Variants in SGCD observed in about 807,000 individuals in gnomAD.
The protein encoded by SGCD is delta-sarcoglycan.
In SGCD, 18 loss-of-function variants were observed where a neutral mutation model predicts 36.6. The ratio of observed to expected loss-of-function variants is 0.49; its 90% confidence interval spans 0.34 to 0.73. The LOEUF is 0.73. Among genes scored for constraint, SGCD ranks in the 30% least tolerant of loss-of-function variants. The pLI is 0.01. For missense variants in SGCD, 387 were observed against 346.7 expected, an observed-to-expected ratio of 1.12 and a Z score of -0.92; for synonymous variants, 133 against 130.6, an observed-to-expected ratio of 1.02 and a Z score of -0.12.
chr5:155,879,869 G>T (rs1049509261), intron 1 of SGCD, among the ~76,000 whole-genome samples: 1 of 152,118 alleles, frequency 6.6e-6, no homozygotes. Flanking sequence ...ATTGTTGTAG[G>T]CATGGTGTAG....
intron 3 of SGCD, among the ~76,000 whole-genome samples, chr5:156,297,405 T>C (rs1373895671): frequency 6.6e-6 from 1 of 152,038 alleles, no homozygotes; most frequent in Non-Finnish European, 1.5e-5. Context: ...CCATCTATGA[T>C]AGACTGGATT....
intron 7 of SGCD, among the ~76,000 whole-genome samples, chr5:156,720,869 G>GAGATC (rs1437931497): frequency 6.6e-6 from 1 of 152,212 alleles, no homozygotes; most frequent in African/African-American, 2.4e-5. Flanking sequence ...GGAAAGCCAG[G>GAGATC]AGATCAGTTA....
intron 3 of SGCD, among the ~76,000 whole-genome samples, chr5:156,346,833 T>C (rs1768976191): frequency 6.6e-6 from 1 of 152,048 alleles, no homozygotes; most frequent in Non-Finnish European, 1.5e-5. Flanking sequence ...AGTCTTGCTG[T>C]GTCACCCAGG....
intron 1 of SGCD, among the ~76,000 whole-genome samples, chr5:155,923,694 G>A (rs746706838): frequency 8.5e-5 from 13 of 152,124 alleles, no homozygotes; most frequent in African/African-American, 2.4e-4. Context: ...TTGGACAAAC[G>A]GATTTTGCTA....
intron 7 of SGCD, among the ~76,000 whole-genome samples, chr5:156,698,305 G>C (rs1484591421): frequency 6.6e-6 from 1 of 152,196 alleles, no homozygotes; most frequent in Non-Finnish European, 1.5e-5. Context: ...CTCTAAGCAG[G>C]CTAGGGGCAG....
intron 7 of SGCD, among the ~76,000 whole-genome samples, chr5:156,723,937 T>C (rs1755640523): frequency 6.6e-6 from 1 of 152,084 alleles, no homozygotes; most frequent in Non-Finnish European, 1.5e-5. Flanking sequence ...CTTTCTGCAA[T>C]GTACAGAATG....
intron 3 of SGCD, among the ~76,000 whole-genome samples, chr5:156,294,502 G>T (rs1000884187): frequency 7.9e-5 from 12 of 152,234 alleles, no homozygotes; most frequent in Middle Eastern, 3.4e-3. Flanking sequence ...TGCTCTGGCT[G>T]TGACTTCCAG....
At chr5:156,672,760 G>A (rs1753348249) in intron 7 of SGCD, among the ~76,000 whole-genome samples, 1 of 152,152 alleles carries the variant, frequency 6.6e-6, no homozygotes, top group South Asian at 2.1e-4. Flanking sequence ...AGACAAAGGT[G>A]TTCAGTTCAG....
the SGCD span, among the ~76,000 whole-genome samples, chr5:155,834,952 C>A: frequency 6.8e-6 from 1 of 148,018 alleles, no homozygotes; most frequent in African/African-American, 2.5e-5. Flanking sequence ...TCTCCTGCCT[C>A]GGCCTCCTGA....
chr5:156,313,561 C>G (rs1767443986), intron 3 of SGCD, among the ~76,000 whole-genome samples: 1 of 152,020 alleles, frequency 6.6e-6, no homozygotes, highest in Admixed American at 6.6e-5. Flanking sequence ...ATTCTAACCA[C>G]AAAACATTAT....
At chr5:156,726,732 C>CTAATTCTCT (rs1755793080) in intron 7 of SGCD, among the ~76,000 whole-genome samples, 1 of 152,194 alleles carries the variant, frequency 6.6e-6, no homozygotes, top group Admixed American at 6.5e-5. Flanking sequence ...CCATCTCATT[C>CTAATTCTCT]TAATTCTCTT....
Position 156,605,058 on chromosome 5 carries a change from T to C in SGCD, c.502+10007T>C, listed in dbSNP as rs529214542. ...TTTTTCTCTTGTGTGTGTGTGTGTT[T>C]TATTATTATACTTTAAGTTTTAGGG... On this transcript the variant is annotated intron_variant, in intron 6 of 8. Transcript: ENST00000337851. 2.0e-5 allele frequency among the ~76,000 whole-genome samples: 3 copies of C among 152,194 alleles called. No individual in the cohort carries two copies. In the South Asian group the frequency reaches 6.2e-4, roughly 32 times the overall value.
At chr5:156,463,830 C>A (rs1241925982) in intron 3 of SGCD, among the ~76,000 whole-genome samples, 1 of 151,852 alleles carries the variant, frequency 6.6e-6, no homozygotes, top group Non-Finnish European at 1.5e-5. Context: ...CCTCATATCT[C>A]AAAAAATCAA....
intron 3 of SGCD, among the ~76,000 whole-genome samples, chr5:156,289,224 G>A (rs897378407): frequency 1.3e-5 from 2 of 152,148 alleles, no homozygotes; most frequent in Admixed American, 6.6e-5. Context: ...TAGCATTAAG[G>A]ATCCTATTTA....
At chr5:156,019,875 G>A (rs1211336317) in intron 1 of SGCD, among the ~76,000 whole-genome samples, 4 of 152,264 alleles carry the variant, frequency 2.6e-5, no homozygotes, top group Non-Finnish European at 4.4e-5. Flanking sequence ...CCTAGAGTTA[G>A]CATTTAAAGC....
chr5:156,612,973 T>C (rs1761887175), intron 6 of SGCD, among the ~76,000 whole-genome samples: 1 of 152,154 alleles, frequency 6.6e-6, no homozygotes, highest in Non-Finnish European at 1.5e-5. Context: ...TAAGGACTAC[T>C]GGGGGTATCC....
chr5:156,454,850 G>A (rs1754182324), intron 3 of SGCD, among the ~76,000 whole-genome samples: 1 of 152,120 alleles, frequency 6.6e-6, no homozygotes, highest in Non-Finnish European at 1.5e-5. Flanking sequence ...AGCAAAGGTT[G>A]TAATGTTGCT....
intron 3 of SGCD, among the ~76,000 whole-genome samples, chr5:156,191,278 T>C (rs1763886089): frequency 6.6e-6 from 1 of 152,142 alleles, no homozygotes. Flanking sequence ...GACATCAAAG[T>C]ATAATTCCAG....
In SGCD at chr5:156,279,966, T is replaced by G. The variant is rs78536928; in HGVS notation, c.-43-49568T>G. On this transcript the variant is annotated intron_variant, in intron 3 of 9. Coordinates refer to the SGCD transcript ENST00000517913. ...GCATAAGTTACATACTAATGAATAC[T>G]GTTGAAACACACATACAAACACACA... Among the ~76,000 whole-genome samples the G allele has an allele frequency of 5.5e-3, 842 of 151,870 alleles. 5 individuals are homozygous for G. Among genetic ancestry groups the G allele is most frequent in the African/African-American group, 0.018 (751 of 41,482 alleles).
Sources: gnomAD v4.1 joint callset for allele counts (sites outside exome capture counted in the v4.1 genomes callset) on GRCh38, gnomAD v4.1.1 for gene constraint, MANE v1.5 for transcripts, NCBI Gene and HGNC (gene_info 2026-07-23, HGNC 2026-07-21) for gene names.